MICAL3: variants seen among roughly 807,000 people sequenced by gnomAD.
MICAL3 encodes microtubule associated monooxygenase, calponin and LIM domain containing 3.
MICAL3 carries 62 observed loss-of-function variants against 207.4 expected under a neutral mutation model. The ratio of observed to expected loss-of-function variants is 0.30; its 90% confidence interval spans 0.24 to 0.37. The LOEUF is 0.37. Ranked by LOEUF, MICAL3 falls within the 10% of genes least tolerant of loss-of-function variation. The pLI is 1.00. For missense variants in MICAL3, 2,368 were observed against 2,635.6 expected (o/e 0.90, Z 2.22); for synonymous variants, 1,077 against 1,069.3 (o/e 1.01, Z -0.14).
chr22:17,822,633 C>G (rs916739634), intron 23 of MICAL3, among the ~76,000 whole-genome samples: 2 of 152,234 alleles, frequency 1.3e-5, no homozygotes, highest in South Asian at 4.1e-4. Flanking sequence ...CTCAGCCCCC[C>G]ACAACCAGAC....
intron 1 of MICAL3, among the ~76,000 whole-genome samples, chr22:17,949,137 G>A (rs1287944317): frequency 6.6e-6 from 1 of 151,972 alleles, no homozygotes; most frequent in African/African-American, 2.4e-5. Flanking sequence ...TTGAGCCCAG[G>A]AGGTGGCGGT....
Position 17,989,964 on chromosome 22 carries a change from T to A in MICAL3, c.-75+34317A>T, listed in dbSNP as rs535608732. On this transcript the variant is annotated intron_variant, in intron 1 of 31. Transcript: ENST00000441493. ...ATTACCCTGGCTCTCCTGAGGCAGG[T>A]TTGTCATGAGCAGAGACAAGGTCGT... 1.1e-4 allele frequency among the ~76,000 whole-genome samples: 17 copies of A among 152,172 alleles called. No individual in the cohort carries two copies. In the South Asian group the frequency reaches 3.5e-3, roughly 32 times the overall value.
rs149593465 is a variant in MICAL3 at position 17,915,548 on chromosome 22, G to A, written c.-74-8662C>T. ...GCAGAGCCTGCAGCTAAGGCTTTCC[G>A]ACGCTGGCCCAAAACACAGCTGGCA... On this transcript the variant is annotated intron_variant, in intron 1 of 31. Transcript: ENST00000441493. Among the ~76,000 whole-genome samples the A allele has an allele frequency of 3.6e-4, 55 of 152,322 alleles. 2 individuals are homozygous for A. The East Asian group carries it at 9.4e-3, about 26-fold the overall frequency.
intron 18 of MICAL3, among the ~76,000 whole-genome samples, 163 bp from the exon 19 acceptor site, chr22:17,865,149 C>T (rs964108677): frequency 2.0e-4 from 31 of 151,412 alleles, no homozygotes; most frequent in Non-Finnish European, 3.5e-4. Flanking sequence ...GCCTTGCTGG[C>T]ACCCAGGCTG....
intron 29 of MICAL3, chr22:17,803,557 G>A (rs537204164): frequency 2.0e-5 from 3 of 152,244 alleles, no homozygotes; most frequent in Admixed American, 2.0e-4. Context: ...GTGGAGTCGG[G>A]TGGGCAAAGT....
chr22:17,976,581 A>AT (rs1475653582), intron 1 of MICAL3, among the ~76,000 whole-genome samples: 30 of 90,474 alleles, frequency 3.3e-4, no homozygotes, highest in East Asian at 1.0e-3. Context: ...ATATATATAT[A>AT]TATATATATT....
intron 1 of MICAL3, chr22:18,019,476 C>T (rs1482512977): frequency 6.6e-6 from 1 of 152,380 alleles, no homozygotes; most frequent in Non-Finnish European, 1.5e-5. Flanking sequence ...AGGCAGATCA[C>T]CTGAGGTCAG....
chr22:17,815,139 A>G (rs1181237374), intron 27 of MICAL3: 3 of 152,326 alleles, frequency 2.0e-5, no homozygotes, highest in Non-Finnish European at 4.4e-5. Context: ...GTGAGGCCTT[A>G]GAGGCCGCCC....
At chr22:17,852,438 A>C (rs934566049) in intron 19 of MICAL3, among the ~76,000 whole-genome samples, 1 of 152,164 alleles carries the variant, frequency 6.6e-6, no homozygotes, top group Non-Finnish European at 1.5e-5. Context: ...GAGAATCATT[A>C]GTGTCTCGGA....
At position 17,901,223 on chromosome 22, in the gene MICAL3, T is replaced by A. The variant is rs181780206; in HGVS notation, c.692-226A>T. ...CTCCATTAACAAACAATTTGAAATCTGACTGGCCAGAATATTACTCAGTAC... is the reference window on the plus strand; with the variant it reads ...CTCCATTAACAAACAATTTGAAATCAGACTGGCCAGAATATTACTCAGTAC... On this transcript the variant is annotated intron_variant, in intron 5 of 31. Coordinates refer to ENST00000441493, the MANE Select transcript of MICAL3 (RefSeq NM_015241.3). 2.6e-4 allele frequency among the ~76,000 whole-genome samples: 39 copies of A among 152,312 alleles called. 1 individual carries two copies. The East Asian group carries it at 7.1e-3, about 28-fold the overall frequency.
intron 1 of MICAL3, among the ~76,000 whole-genome samples, chr22:17,918,631 C>T (rs1183576341): frequency 6.6e-6 from 1 of 151,994 alleles, no homozygotes; most frequent in Admixed American, 6.5e-5. Context: ...CCTCATGGAG[C>T]GCCCCCCAGA....
At chr22:17,822,796 G>C (rs1803358874) in intron 23 of MICAL3, 151 bp downstream of exon 23, 2 of 576,808 alleles carry the variant, frequency 3.5e-6, no homozygotes, top group Non-Finnish European at 3.1e-6. Flanking sequence ...GGTGGTGGTT[G>C]GGTGGAATGA....
intron 1 of MICAL3, among the ~76,000 whole-genome samples, chr22:17,980,180 G>A (rs1602339145): frequency 6.6e-6 from 1 of 152,298 alleles, no homozygotes; most frequent in South Asian, 2.1e-4. Context: ...GGAACAGGAG[G>A]AAGCATGGGA....
At chr22:17,943,629 T>C (rs1933913775) in intron 1 of MICAL3, among the ~76,000 whole-genome samples, 1 of 152,250 alleles carries the variant, frequency 6.6e-6, no homozygotes, top group South Asian at 2.1e-4. Context: ...GATCAGGCGA[T>C]GTGCAGCCAT....
At chr22:17,939,363 T>C (rs1382619646) in intron 1 of MICAL3, among the ~76,000 whole-genome samples, 1 of 152,152 alleles carries the variant, frequency 6.6e-6, no homozygotes, top group African/African-American at 2.4e-5. Context: ...GGGCCTGAGA[T>C]TCAGCCGGCA....
intron 16 of MICAL3, among the ~76,000 whole-genome samples, chr22:17,877,031 G>A (rs1208136187): frequency 4.9e-5 from 6 of 122,840 alleles, no homozygotes; most frequent in South Asian, 2.7e-4. Context: ...AGGTTATGGA[G>A]GTTAGGGAGG....
chr22:17,877,486 T>TGGAGGTTAGGGAGGTTAG (rs1189255665), intron 16 of MICAL3, among the ~76,000 whole-genome samples: 2 of 83,260 alleles, frequency 2.4e-5, no homozygotes, highest in Admixed American at 1.1e-4. Flanking sequence ...AGGGAGGTTA[T>TGGAGGTTAGGGAGGTTAG]GGAGGTTAGG....
At chr22:17,944,537 G>A (rs1014140132) in intron 1 of MICAL3, among the ~76,000 whole-genome samples, 12 of 152,150 alleles carry the variant, frequency 7.9e-5, no homozygotes, top group South Asian at 2.1e-4. Flanking sequence ...CCCAGCCTCC[G>A]CTTTGCTAAT....
At chr22:17,874,687 C>A (rs537100456) in intron 16 of MICAL3, among the ~76,000 whole-genome samples, 3 of 152,162 alleles carry the variant, frequency 2.0e-5, no homozygotes, top group African/African-American at 7.2e-5. Flanking sequence ...AGAAATGTGG[C>A]AATTGCGGGA....
Sources: allele counts gnomAD v4.1 joint callset (sites outside exome capture counted in the v4.1 genomes callset), GRCh38; gene constraint gnomAD v4.1.1; transcripts MANE v1.5; gene names NCBI Gene and HGNC (gene_info 2026-07-23, HGNC 2026-07-21).